Variants in ANKRD44 observed in about 807,000 individuals in gnomAD.
ANKRD44 encodes the protein ankyrin repeat domain 44, also known as serine/threonine-protein phosphatase 6 regulatory ankyrin repeat subunit B.
A neutral mutation model predicts 116.0 loss-of-function variants in ANKRD44; 35 were observed. The ratio of observed to expected loss-of-function variants is 0.30; its 90% CI spans 0.23 to 0.40. ANKRD44 has a LOEUF of 0.40. Ranked by LOEUF, ANKRD44 falls within the 10% of genes least tolerant of loss-of-function variation. The pLI is 1.00. For synonymous variants in ANKRD44, 435 were observed against 461.8 expected (o/e 0.94, Z 0.74); for missense variants, 1,014 against 1,242.6 (o/e 0.82, Z 2.77).
At chr2:197,129,437 T>C (rs749516422) in intron 4 of ANKRD44, among the ~76,000 whole-genome samples, 21 of 152,226 alleles carry the variant, frequency 1.4e-4, no homozygotes, top group Non-Finnish European at 2.4e-4. Context: ...GCCTGGACCT[T>C]TGTTTCTTTC....
At chr2:197,186,233 T>C (rs1033642666) in intron 2 of ANKRD44, among the ~76,000 whole-genome samples, 2 of 152,088 alleles carry the variant, frequency 1.3e-5, no homozygotes, top group African/African-American at 2.4e-5. Flanking sequence ...GGAAAAAAAA[T>C]TGCACCTCTA....
At chr2:197,113,655 T>C (rs2078642685) in intron 8 of ANKRD44, among the ~76,000 whole-genome samples, 1 of 152,166 alleles carries the variant, frequency 6.6e-6, no homozygotes, top group South Asian at 2.1e-4. Flanking sequence ...CTGAAGTGTG[T>C]GGTGGGCAAA....
At chr2:197,294,858 C>T (rs2083672685) in intron 1 of ANKRD44, among the ~76,000 whole-genome samples, 1 of 152,098 alleles carries the variant, frequency 6.6e-6, no homozygotes, top group South Asian at 2.1e-4. Flanking sequence ...TTCTGTTTTG[C>T]TCTCATATAT....
chr2:197,230,323 A>G (rs1219755884), intron 1 of ANKRD44, among the ~76,000 whole-genome samples: 2 of 152,142 alleles, frequency 1.3e-5, no homozygotes, highest in African/African-American at 4.8e-5. Flanking sequence ...TATGAACTCA[A>G]CATTCAGGAA....
At position 197,018,377 on chromosome 2, in the gene ANKRD44, A is replaced by T. The variant is rs376744837; in HGVS notation, c.1723-4665T>A. On this transcript the variant is annotated intron_variant, in intron 17 of 27. Coordinates refer to ENST00000282272, the MANE Select transcript of ANKRD44 (RefSeq NM_001195144.2). ...GTTCCAGCTGCACCAGCCTCCCTCT[A>T]TAGTTAAATAGCTGCATGTCCCCCT... 4.6e-5 allele frequency among the ~76,000 whole-genome samples: 7 copies of T among 151,984 alleles called. No individual in the cohort carries two copies. In the East Asian group the frequency reaches 1.3e-3, roughly 29 times the overall value.
chr2:197,219,359 C>T (rs977153659), intron 1 of ANKRD44, among the ~76,000 whole-genome samples: 9 of 152,114 alleles, frequency 5.9e-5, no homozygotes, highest in Admixed American at 2.6e-4. Context: ...TGAGCCACTG[C>T]GCCTGGCCCT....
intron 2 of ANKRD44, among the ~76,000 whole-genome samples, chr2:197,170,002 C>T (rs375210102): frequency 2.2e-4 from 33 of 152,134 alleles, no homozygotes; most frequent in African/African-American, 7.7e-4. Context: ...CTAGCCTGGG[C>T]AACATGGCAA....
chr2:197,187,546 A>G (rs891587593), intron 1 of ANKRD44, among the ~76,000 whole-genome samples: 1 of 152,230 alleles, frequency 6.6e-6, no homozygotes, highest in Non-Finnish European at 1.5e-5. Flanking sequence ...CTTTAAGGAG[A>G]TAATTCAGAT....
chr2:197,235,399 T>C (rs946142980), intron 1 of ANKRD44, among the ~76,000 whole-genome samples: 3 of 152,118 alleles, frequency 2.0e-5, no homozygotes, highest in African/African-American at 7.2e-5. Flanking sequence ...GCAGATCACT[T>C]GAGGCCAGGA....
chr2:197,247,098 C>T (rs1183820429), intron 1 of ANKRD44, among the ~76,000 whole-genome samples: 1 of 152,122 alleles, frequency 6.6e-6, no homozygotes, highest in Non-Finnish European at 1.5e-5. Context: ...AATGAATGTC[C>T]AGGCTAATGA....
At chr2:197,025,973 G>A (rs925097730) in intron 16 of ANKRD44, among the ~76,000 whole-genome samples, 2 of 148,660 alleles carry the variant, frequency 1.3e-5, no homozygotes, top group African/African-American at 4.9e-5. Flanking sequence ...TAGACCCTTG[G>A]TGGAAGAACA....
chr2:197,156,280 A>G (rs1401080800), intron 2 of ANKRD44, among the ~76,000 whole-genome samples: 2 of 151,884 alleles, frequency 1.3e-5, no homozygotes. Flanking sequence ...CGGGAGGCGG[A>G]GCTTGCAGCG....
intron 21 of ANKRD44, among the ~76,000 whole-genome samples, chr2:196,978,563 T>C (rs909313146): frequency 6.6e-5 from 10 of 152,096 alleles, no homozygotes; most frequent in Admixed American, 5.2e-4. Flanking sequence ...AATTGGCAAA[T>C]TCATAGAAAC....
At chr2:197,297,279 T>C (rs7593063) in intron 1 of ANKRD44, among the ~76,000 whole-genome samples, 16,411 of 152,158 alleles carry the variant, frequency 0.11, 2,265 homozygotes, top group African/African-American at 0.32. Flanking sequence ...GGAAATTCCA[T>C]ACAAAAATAA....
At chr2:197,086,363 G>C (rs1284390151) in intron 13 of ANKRD44, among the ~76,000 whole-genome samples, 1 of 152,038 alleles carries the variant, frequency 6.6e-6, no homozygotes, top group Non-Finnish European at 1.5e-5. Context: ...TTAAGACTAG[G>C]ATTTATGTGT....
At chr2:197,024,889 C>T (rs553135884) in intron 17 of ANKRD44, among the ~76,000 whole-genome samples, 7 of 152,252 alleles carry the variant, frequency 4.6e-5, no homozygotes, top group East Asian at 3.9e-4. Flanking sequence ...ATTTTAAAGA[C>T]GGTTAAACTC....
intron 8 of ANKRD44, among the ~76,000 whole-genome samples, chr2:197,115,933 G>C (rs751080472): frequency 2.0e-5 from 3 of 152,104 alleles, no homozygotes; most frequent in Non-Finnish European, 4.4e-5. Context: ...GGCTAGATTT[G>C]ATTCAAAATC....
chr2:197,246,584 G>A (rs185287650), intron 1 of ANKRD44, among the ~76,000 whole-genome samples: 1 of 151,516 alleles, frequency 6.6e-6, no homozygotes, highest in Non-Finnish European at 1.5e-5. Flanking sequence ...CAACCATCTC[G>A]CTTACACTCA....
In ANKRD44 at chr2:197,207,459, C is replaced by T. The variant is rs116828536; in HGVS notation, c.28-20353G>A. Among the ~76,000 whole-genome samples, 439 of 152,268 alleles carry T rather than the reference C, an allele frequency of 2.9e-3. 4 individuals carry two copies. The highest frequency in any genetic ancestry group is 9.8e-3 in the African/African-American group (406 of 41,548). On this transcript the variant is annotated intron_variant, in intron 1 of 27. Coordinates refer to ENST00000282272, the MANE Select transcript of ANKRD44 (RefSeq NM_001195144.2). ...AGAGGTGATTTTTATTTTTTGCCACCTCTCAGATGACCCCTCTGATTTTTA... is the reference window on the plus strand; with the variant it reads ...AGAGGTGATTTTTATTTTTTGCCACTTCTCAGATGACCCCTCTGATTTTTA...
Sources: allele counts gnomAD v4.1 joint callset (sites outside exome capture counted in the v4.1 genomes callset), GRCh38; gene constraint gnomAD v4.1.1; transcripts MANE v1.5; gene names NCBI Gene and HGNC (gene_info 2026-07-23, HGNC 2026-07-21).